Variants in PREX2 observed in about 807,000 individuals in gnomAD.
PREX2 encodes the protein phosphatidylinositol-3,4,5-trisphosphate dependent Rac exchange factor 2.
Under a neutral mutation model 203.2 loss-of-function variants are expected in PREX2, and 107 were observed. The observed-to-expected ratio is 0.53, with a 90% CI of 0.45 to 0.62. The LOEUF (loss-of-function observed/expected upper bound fraction) is 0.62. PREX2 is among the 20% of genes least tolerant of loss of function. PREX2 has a pLI of 0.00. For synonymous variants in PREX2, 672 were observed against 663.6 expected (o/e 1.01, Z -0.19); for missense variants, 1,777 against 1,955.9 (o/e 0.91, Z 1.72).
At position 67,993,315 on chromosome 8, in the gene PREX2, C is replaced by T. The variant is rs900867946; in HGVS notation, c.142-24531C>T. On this transcript the variant is annotated intron_variant, in intron 1 of 39. Transcript: ENST00000288368. Reference sequence around the variant, plus strand: ...CATAAGATGACTGAAGAAGAAATGTCAAATTTGTAGTTATAATTCTAGTTT... The same window carrying T: ...CATAAGATGACTGAAGAAGAAATGTTAAATTTGTAGTTATAATTCTAGTTT... 6.1e-4 allele frequency among the ~76,000 whole-genome samples: 92 copies of T among 151,856 alleles called. 1 individual carries two copies. Among genetic ancestry groups the T allele is most frequent in the Non-Finnish European group, 5.9e-4 (40 of 67,962 alleles).
At chr8:68,002,288 T>C (rs915590839) in intron 1 of PREX2, among the ~76,000 whole-genome samples, 3 of 151,930 alleles carry the variant, frequency 2.0e-5, no homozygotes, top group African/African-American at 4.8e-5. Context: ...GCTGGGATTA[T>C]AGGTGTGTGC....
intron 24 of PREX2, among the ~76,000 whole-genome samples, 183 bp from the exon 25 acceptor site, chr8:68,109,233 A>G (rs1308841747): frequency 3.3e-5 from 5 of 152,220 alleles, no homozygotes; most frequent in Non-Finnish European, 5.9e-5. Flanking sequence ...GTGAAGTAAT[A>G]CATATGTTAA....
chr8:68,095,982 T>TG (rs557465661), intron 21 of PREX2, among the ~76,000 whole-genome samples: 1 of 152,054 alleles, frequency 6.6e-6, no homozygotes, highest in Admixed American at 6.5e-5. Context: ...ACTGATCGTA[T>TG]GGGGGGTACT....
At chr8:68,211,954 A>G (rs536779929) in intron 37 of PREX2, among the ~76,000 whole-genome samples, 1 of 152,336 alleles carries the variant, frequency 6.6e-6, no homozygotes, top group South Asian at 2.1e-4. Flanking sequence ...TTAGTAAATT[A>G]CTTTGGTAAT....
At chr8:68,064,813 A>C (rs944710356) in intron 11 of PREX2, among the ~76,000 whole-genome samples, 6 of 152,138 alleles carry the variant, frequency 3.9e-5, no homozygotes, top group African/African-American at 1.4e-4. Context: ...CGCACCTTTA[A>C]CTCCGTGTTC....
chr8:68,044,760 G>A (rs886422995), intron 8 of PREX2, among the ~76,000 whole-genome samples, 170 bp downstream of exon 8: 2 of 151,976 alleles, frequency 1.3e-5, no homozygotes, highest in Non-Finnish European at 2.9e-5. Context: ...AGGGAGGGGA[G>A]GACTACTGTG....
intron 19 of PREX2, among the ~76,000 whole-genome samples, chr8:68,088,095 T>A (rs535896974): frequency 1.6e-4 from 24 of 152,344 alleles, no homozygotes; most frequent in Non-Finnish European, 2.9e-4. Flanking sequence ...ATTTTCTATT[T>A]GTATTTTTCT....
rs376409083 is a variant in PREX2, at chr8:68,194,275, G to A, written c.4604+1750G>A. ...TAAAGTCCCTACTTTCATATAGTAC[G>A]TACTGCATTGGGGGGAAACGGTTGA... On this transcript the variant is annotated intron_variant, in intron 37 of 39. Coordinates refer to ENST00000288368, the MANE Select transcript of PREX2 (RefSeq NM_024870.4). 2.7e-4 allele frequency among the ~76,000 whole-genome samples: 41 copies of A among 152,208 alleles called. No homozygotes were observed. In the South Asian group the frequency reaches 5.4e-3, roughly 20 times the overall value.
At position 68,204,671 on chromosome 8, in the gene PREX2, C is replaced by CTTCT. The variant is rs1227216701; in HGVS notation, c.4604+12153_4604+12156dup. Among the ~76,000 whole-genome samples the CTTCT allele has an allele frequency of 4.4e-5, 6 of 134,928 alleles. No individual in the cohort carries two copies. The South Asian group carries it at 7.4e-4, about 17-fold the overall frequency. The allele number at this position is 134,928 out of a possible 152,430, so 88.5% of individuals were successfully genotyped here. A position where few individuals can be genotyped will look rare whatever the true frequency, so the allele number is the denominator to read the frequency against. On this transcript the variant is annotated intron_variant, in intron 37 of 39. Coordinates refer to ENST00000288368, the MANE Select transcript of PREX2 (RefSeq NM_024870.4). Reference sequence around the variant, plus strand: ...CTCTGCTTTCTTTTCTTTTTTCTTTCTTCTTTCTTTTTTTTTTTTTTTTTT... The same window carrying CTTCT: ...CTCTGCTTTCTTTTCTTTTTTCTTTCTTCTTTCTTTCTTTTTTTTTTTTTTTTTT...
rs146188988 is a variant in PREX2 at position 68,012,099 on chromosome 8, GC to G, written c.142-5745del. ...GTATTAAATATCTTCAAAACTCTGT[GC>G]CTTGTATGTAACATACCAATCGTAT... On this transcript the variant is annotated intron_variant, in intron 1 of 39. Coordinates refer to ENST00000288368, the MANE Select transcript of PREX2 (RefSeq NM_024870.4). Among the ~76,000 whole-genome samples the G allele has an allele frequency of 6.0e-4, 92 of 152,178 alleles. No individual in the cohort carries two copies. In the East Asian group the frequency reaches 0.017, roughly 28 times the overall value.
chr8:68,073,496 C>T (rs1809258877), intron 14 of PREX2, among the ~76,000 whole-genome samples: 2 of 152,040 alleles, frequency 1.3e-5, no homozygotes, highest in Non-Finnish European at 2.9e-5. Context: ...ACATTTGGTT[C>T]ATCTGTACAC....
intron 34 of PREX2, among the ~76,000 whole-genome samples, chr8:68,154,446 A>G (rs866017451): frequency 2.3e-4 from 35 of 152,362 alleles, no homozygotes; most frequent in African/African-American, 8.2e-4. Context: ...CCAAAGTCAC[A>G]CAGCAGAAAC....
At chr8:67,967,543 T>G (rs987093047) in intron 1 of PREX2, among the ~76,000 whole-genome samples, 1 of 152,158 alleles carries the variant, frequency 6.6e-6, no homozygotes, top group Non-Finnish European at 1.5e-5. Flanking sequence ...CAGCACGCTG[T>G]GCAGTTGGGG....
At chr8:68,063,988 G>T (rs1186304412) in intron 11 of PREX2, among the ~76,000 whole-genome samples, 3 of 152,124 alleles carry the variant, frequency 2.0e-5, no homozygotes, top group Non-Finnish European at 4.4e-5. Context: ...AAAAGAAGTT[G>T]GCTATTATTG....
intron 39 of PREX2, among the ~76,000 whole-genome samples, chr8:68,228,030 A>G (rs1245809099): frequency 6.6e-6 from 1 of 152,180 alleles, no homozygotes; most frequent in African/African-American, 2.4e-5. Flanking sequence ...ATACAAAGAC[A>G]AAATAAATTT....
chr8:68,044,276 T>C (rs1808278685), intron 7 of PREX2, among the ~76,000 whole-genome samples: 2 of 152,108 alleles, frequency 1.3e-5, no homozygotes, highest in South Asian at 4.1e-4. Context: ...TGAATTTATT[T>C]TTAAAAATTA....
chr8:68,136,522 A>G (rs1026093393), intron 32 of PREX2, among the ~76,000 whole-genome samples: 3 of 152,118 alleles, frequency 2.0e-5, no homozygotes, highest in Non-Finnish European at 2.9e-5. Context: ...CTGGAACACC[A>G]TGGCTTGTGC....
intron 4 of PREX2, among the ~76,000 whole-genome samples, chr8:68,026,597 C>T (rs1807720489): frequency 6.6e-6 from 1 of 151,688 alleles, no homozygotes; most frequent in African/African-American, 2.4e-5. Flanking sequence ...CACTCTGATT[C>T]CTGATTTTGA....
In PREX2 at chr8:68,093,670, C is replaced by G. The variant is rs1809963122; in HGVS notation, c.2316C>G (p.His772Gln). ...ESAQEDLQKS[H>Q]SKPPGDEAGD... Reference sequence around the variant, plus strand: ...CTCAAGAAGACCTTCAAAAATCTCACTCCAAGCCCCCTGGAGATGAAGCAG... The same window carrying G: ...CTCAAGAAGACCTTCAAAAATCTCAGTCCAAGCCCCCTGGAGATGAAGCAG... Residue 772 changes from histidine to glutamine, a missense_variant, in exon 21 of 40, where the codon CAC (histidine) becomes CAG (glutamine). By Grantham distance (24) the His-to-Gln change is conservative. Transcript: ENST00000288368. 6.2e-7 allele frequency: 1 copy of G among 1,611,582 alleles called. No homozygotes were observed.
Sources: gnomAD v4.1 joint callset for allele counts (sites outside exome capture counted in the v4.1 genomes callset) on GRCh38, gnomAD v4.1.1 for gene constraint, MANE v1.5 for transcripts, NCBI Gene and HGNC (gene_info 2026-07-23, HGNC 2026-07-21) for gene names.